NREP: variants seen among roughly 807,000 people sequenced by gnomAD.
The protein encoded by NREP is neuronal regeneration-related protein.
NREP carries 5 observed loss-of-function variants against 8.6 expected under a neutral mutation model. The observed-to-expected ratio is 0.58, with a 90% confidence interval of 0.30 to 1.22. The LOEUF is 1.22. NREP is among the 50% of genes most tolerant of loss of function. The pLI is 0.07. For missense variants in NREP, 86 were observed against 82.5 expected (o/e 1.04, Z -0.17); for synonymous variants, 27 against 28.0 (o/e 0.96, Z 0.11).
At chr5:111,849,529 T>A (rs970203984) in intron 2 of NREP, among the ~76,000 whole-genome samples, 1 of 152,146 alleles carries the variant, frequency 6.6e-6, no homozygotes, top group Non-Finnish European at 1.5e-5. Context: ...TACTTCTAAT[T>A]GCAGTATGGA....
At chr5:111,846,420 C>CTTTTTTTTTTTTTCTTTTTTTT (rs1753170190) in intron 2 of NREP, 1 of 44,414 alleles carries the variant, frequency 2.3e-5, no homozygotes, top group Non-Finnish European at 4.2e-5. Flanking sequence ...TTTTTGTTTG[C>CTTTTTTTTTTTTTCTTTTTTTT]TTTTTTTTTT....
chr5:111,962,599 C>T (rs79716162), intron 2 of NREP, among the ~76,000 whole-genome samples: 6,064 of 152,264 alleles, frequency 0.04, 187 homozygotes, highest in Non-Finnish European at 0.062. Context: ...GCTTGAAACC[C>T]GCAGTCCAAT....
chr5:111,812,118 T>C (rs1752283686), intron 2 of NREP, among the ~76,000 whole-genome samples: 1 of 151,956 alleles, frequency 6.6e-6, no homozygotes, highest in African/African-American at 2.4e-5. Context: ...TGAAATCCCA[T>C]CTCTAAAAAA....
chr5:111,964,679 G>T (rs906690286), intron 2 of NREP, among the ~76,000 whole-genome samples: 2 of 151,772 alleles, frequency 1.3e-5, no homozygotes, highest in African/African-American at 4.8e-5. Context: ...CTATTCTACT[G>T]TTGATAGACA....
At chr5:111,838,257 A>T (rs970180553) in intron 2 of NREP, among the ~76,000 whole-genome samples, 1 of 152,176 alleles carries the variant, frequency 6.6e-6, no homozygotes, top group Non-Finnish European at 1.5e-5. Flanking sequence ...ACTTGTGCTT[A>T]CGCACACCTC....
At chr5:111,771,426 T>TACACACACACACAC (rs111799670) in intron 2 of NREP, among the ~76,000 whole-genome samples, 1 of 147,200 alleles carries the variant, frequency 6.8e-6, no homozygotes, top group Non-Finnish European at 1.5e-5. Context: ...CATAGTCTTT[T>TACACACACACACAC]ACACACACAC....
At chr5:111,961,607 A>G (rs1756482168) in intron 2 of NREP, among the ~76,000 whole-genome samples, 2 of 152,176 alleles carry the variant, frequency 1.3e-5, no homozygotes, top group Admixed American at 1.3e-4. Context: ...CCATTTTTCT[A>G]AGAGGAAAAA....
At chr5:111,784,367 G>A (rs766718833) in intron 2 of NREP, among the ~76,000 whole-genome samples, 1 of 152,126 alleles carries the variant, frequency 6.6e-6, no homozygotes. Context: ...TAGAAATACA[G>A]TAAAGAAAAG....
chr5:111,918,849 A>G (rs1312418093), intron 2 of NREP, among the ~76,000 whole-genome samples: 1 of 152,218 alleles, frequency 6.6e-6, no homozygotes. Context: ...ACAAAAGCCA[A>G]AATTGACAAA....
At chr5:111,926,800 A>G (rs1367481950) in intron 2 of NREP, among the ~76,000 whole-genome samples, 1 of 151,612 alleles carries the variant, frequency 6.6e-6, no homozygotes, top group Non-Finnish European at 1.5e-5. Flanking sequence ...CCCCACTACT[A>G]TTCTCCTTCC....
intron 2 of NREP, among the ~76,000 whole-genome samples, chr5:111,934,003 C>G (rs1029416998): frequency 6.6e-6 from 1 of 152,064 alleles, no homozygotes; most frequent in Admixed American, 6.6e-5. Flanking sequence ...GTACAGCCTC[C>G]TTCCTTTAAA....
chr5:111,888,782 G>A (rs1754323280), intron 2 of NREP, among the ~76,000 whole-genome samples: 1 of 152,166 alleles, frequency 6.6e-6, no homozygotes, highest in South Asian at 2.1e-4. Flanking sequence ...CTGAAAAGGA[G>A]ATGGATTGAG....
chr5:111,801,170 G>A (rs145343309), intron 2 of NREP, among the ~76,000 whole-genome samples: 1 of 152,180 alleles, frequency 6.6e-6, no homozygotes, highest in Non-Finnish European at 1.5e-5. Context: ...ACATATCAAA[G>A]AGAAAGAGAA....
chr5:111,746,106 A>C (rs1581065507), intron 2 of NREP, among the ~76,000 whole-genome samples: 1 of 152,168 alleles, frequency 6.6e-6, no homozygotes, highest in African/African-American at 2.4e-5. Flanking sequence ...AAAATTCACA[A>C]TGATTATCAG....
intron 2 of NREP, among the ~76,000 whole-genome samples, chr5:111,943,210 AAT>A (rs1161486714): frequency 6.6e-6 from 1 of 152,070 alleles, no homozygotes; most frequent in African/African-American, 2.4e-5. Flanking sequence ...TTTCCATATT[AAT>A]AATAGCTAAC....
intron 2 of NREP, among the ~76,000 whole-genome samples, chr5:111,742,670 T>A (rs1218670455): frequency 6.6e-6 from 1 of 151,972 alleles, no homozygotes; most frequent in African/African-American, 2.4e-5. Context: ...ATTACGTGAG[T>A]TTTCTGGGCT....
At chr5:111,793,966 G>A (rs533237501) in intron 2 of NREP, among the ~76,000 whole-genome samples, 139 of 152,294 alleles carry the variant, frequency 9.1e-4, no homozygotes, top group Non-Finnish European at 1.5e-3. Flanking sequence ...GCTGAGGTGG[G>A]AGTACCACTG....
chr5:111,932,606 T>C (rs1202011623), intron 2 of NREP, among the ~76,000 whole-genome samples: 1 of 152,160 alleles, frequency 6.6e-6, no homozygotes, highest in Non-Finnish European at 1.5e-5. Context: ...AACAACATTT[T>C]GCCCCCTCCT....
At chr5:111,761,778 C>T (rs1260949706), upstream of NREP, among the ~76,000 whole-genome samples, 2 of 152,112 alleles carry the variant, frequency 1.3e-5, no homozygotes, top group Non-Finnish European at 2.9e-5. Context: ...TTATCTTAGC[C>T]AATCAGTGTA....
Sources: allele counts gnomAD v4.1 joint callset (sites outside exome capture counted in the v4.1 genomes callset), GRCh38; gene constraint gnomAD v4.1.1; transcripts MANE v1.5; gene names NCBI Gene and HGNC (gene_info 2026-07-23, HGNC 2026-07-21).